The following TMEM132D variants were observed in gnomAD, a reference collection of about 807,000 sequenced individuals.
The protein encoded by TMEM132D is transmembrane protein 132D.
Under a neutral mutation model 62.3 loss-of-function variants are expected in TMEM132D, and 21 were observed. The observed-to-expected ratio is 0.34, with a 90% CI of 0.24 to 0.49. The LOEUF is 0.49. TMEM132D is among the 20% of genes least tolerant of loss of function. The pLI is 0.99. For synonymous variants in TMEM132D, 621 were observed against 575.6 expected (o/e 1.08, Z -1.13); for missense variants, 1,346 against 1,402.8 (o/e 0.96, Z 0.65).
At chr12:129,567,498 C>G (rs1182222754) in intron 2 of TMEM132D, among the ~76,000 whole-genome samples, 2 of 152,144 alleles carry the variant, frequency 1.3e-5, no homozygotes, top group Non-Finnish European at 2.9e-5. Context: ...TCTTTTCCAA[C>G]TACATATATA....
rs541361001 is a variant in TMEM132D at position 129,290,259 on chromosome 12, C to T, written c.1299+47375G>A. 2.6e-5 allele frequency among the ~76,000 whole-genome samples: 4 copies of T among 152,200 alleles called. No homozygotes were observed. In the South Asian group the frequency reaches 8.3e-4, roughly 32 times the overall value. On this transcript the variant is annotated intron_variant, in intron 4 of 8. Coordinates refer to ENST00000422113, the MANE Select transcript of TMEM132D (RefSeq NM_133448.3). The stretch of plus-strand genomic sequence containing the variant: ...AAGCCATGCACTGAGGTGGGAGCAT[C>T]TTGAAATGGGAAAGCCTAGATCCCT...
chr12:129,200,561 G>C (rs991382097), intron 5 of TMEM132D, among the ~76,000 whole-genome samples: 4 of 152,104 alleles, frequency 2.6e-5, no homozygotes, highest in African/African-American at 9.7e-5. Flanking sequence ...AAACTCTTGG[G>C]GTGGGGACAA....
At chr12:129,540,111 T>G (rs1450581373) in intron 2 of TMEM132D, among the ~76,000 whole-genome samples, 3 of 152,144 alleles carry the variant, frequency 2.0e-5, no homozygotes, top group Non-Finnish European at 4.4e-5. Flanking sequence ...TTCAATGGCT[T>G]TTAAAAACCA....
intron 5 of TMEM132D, among the ~76,000 whole-genome samples, chr12:129,189,438 C>T (rs1016510524): frequency 9.9e-5 from 15 of 152,212 alleles, no homozygotes; most frequent in South Asian, 2.1e-4. Context: ...AGAGATTAGA[C>T]AACTTTGTGG....
At chr12:129,184,090 C>A (rs879352547) in intron 5 of TMEM132D, among the ~76,000 whole-genome samples, 2 of 152,156 alleles carry the variant, frequency 1.3e-5, no homozygotes, top group African/African-American at 4.8e-5. Flanking sequence ...CTTAGGAACG[C>A]CCTCTGAAGA....
intron 5 of TMEM132D, among the ~76,000 whole-genome samples, chr12:129,147,177 T>C (rs1231631771): frequency 6.6e-6 from 1 of 151,664 alleles, no homozygotes; most frequent in Non-Finnish European, 1.5e-5. Context: ...TGTGTGTGTA[T>C]ATATATACAC....
chr12:129,530,895 A>C (rs1488048338), intron 3 of TMEM132D, among the ~76,000 whole-genome samples, 164 bp downstream of exon 3: 1 of 152,014 alleles, frequency 6.6e-6, no homozygotes, highest in Non-Finnish European at 1.5e-5. Flanking sequence ...ACCTTTCCCA[A>C]ATGAAAGATT....
intron 1 of TMEM132D, among the ~76,000 whole-genome samples, chr12:129,721,315 AC>A (rs1868820494): frequency 6.6e-6 from 1 of 152,134 alleles, no homozygotes; most frequent in Admixed American, 6.5e-5. Flanking sequence ...GAATCCAACC[AC>A]AAGAGGGTCC....
chr12:129,169,785 C>A (rs911074418), intron 5 of TMEM132D, among the ~76,000 whole-genome samples: 4 of 152,182 alleles, frequency 2.6e-5, no homozygotes, highest in African/African-American at 9.6e-5. Flanking sequence ...CTGTGTATAA[C>A]ATCTTCACAT....
chr12:129,749,054 T>A (rs1869912964), intron 1 of TMEM132D, among the ~76,000 whole-genome samples: 1 of 152,094 alleles, frequency 6.6e-6, no homozygotes, highest in Non-Finnish European at 1.5e-5. Flanking sequence ...AGAAGAAGGG[T>A]GGCAAAGGGA....
At chr12:129,270,072 C>A (rs1193117489) in intron 4 of TMEM132D, among the ~76,000 whole-genome samples, 1 of 152,222 alleles carries the variant, frequency 6.6e-6, no homozygotes, top group African/African-American at 2.4e-5. Context: ...ATCTGATAAG[C>A]TCTGGCTTTT....
At chr12:129,893,674 T>A (rs1875008965) in intron 1 of TMEM132D, among the ~76,000 whole-genome samples, 1 of 152,238 alleles carries the variant, frequency 6.6e-6, no homozygotes, top group South Asian at 2.1e-4. Context: ...GAGACCAATG[T>A]AGCACAATTC....
rs539746785 is a variant in TMEM132D at position 129,776,408 on chromosome 12, G to A, written c.80-75710C>T. ...GGAAGTTAAAACAGAAAAACTCAGC[G>A]CCTTCCAATGATGCTTTATTTTATT... On this transcript the variant is annotated intron_variant, in intron 1 of 8. Coordinates refer to ENST00000422113, the MANE Select transcript of TMEM132D (RefSeq NM_133448.3). Among the ~76,000 whole-genome samples, 10 of 152,096 alleles carry A rather than the reference G, an allele frequency of 6.6e-5. No homozygotes were observed. The South Asian group carries it at 1.2e-3, about 19-fold the overall frequency.
chr12:129,369,365 C>G (rs1307624101), intron 3 of TMEM132D, among the ~76,000 whole-genome samples: 1 of 47,642 alleles, frequency 2.1e-5, no homozygotes, highest in Non-Finnish European at 6.2e-5. Context: ...GTTCCTCATG[C>G]TGCTTTTTTT....
At chr12:129,831,387 C>T (rs923374623) in intron 1 of TMEM132D, among the ~76,000 whole-genome samples, 1 of 152,210 alleles carries the variant, frequency 6.6e-6, no homozygotes, top group African/African-American at 2.4e-5. Flanking sequence ...CTGCTTCCAT[C>T]ACAAGGCGCA....
intron 2 of TMEM132D, among the ~76,000 whole-genome samples, chr12:129,633,108 C>G (rs146955638): frequency 7.2e-5 from 11 of 152,180 alleles, no homozygotes; most frequent in African/African-American, 2.6e-4. Context: ...CCAAAAGGAA[C>G]AAAAAACTCC....
At chr12:129,597,592 T>G (rs149407668) in intron 2 of TMEM132D, among the ~76,000 whole-genome samples, 1 of 152,184 alleles carries the variant, frequency 6.6e-6, no homozygotes, top group East Asian at 1.9e-4. Flanking sequence ...GCATGTTCCC[T>G]CAGGCAGTCC....
chr12:129,121,912 C>T (rs1019104136), intron 5 of TMEM132D, among the ~76,000 whole-genome samples: 2 of 152,104 alleles, frequency 1.3e-5, no homozygotes, highest in Non-Finnish European at 2.9e-5. Context: ...AGGGAGGGCT[C>T]CAGAGTGAGC....
At chr12:129,763,414 G>A (rs963739990) in intron 1 of TMEM132D, among the ~76,000 whole-genome samples, 1 of 145,142 alleles carries the variant, frequency 6.9e-6, no homozygotes, top group Non-Finnish European at 1.5e-5. Flanking sequence ...AATTTCCAGT[G>A]AGGATCTAGA....
Sources: allele counts gnomAD v4.1 joint callset (sites outside exome capture counted in the v4.1 genomes callset), GRCh38; gene constraint gnomAD v4.1.1; transcripts MANE v1.5; gene names NCBI Gene and HGNC (gene_info 2026-07-23, HGNC 2026-07-21).